Variants in SLC41A2 observed in about 807,000 individuals in gnomAD.
The protein encoded by SLC41A2 is solute carrier family 41 member 2.
SLC41A2 carries 32 observed loss-of-function variants against 58.3 expected under a neutral mutation model. That is an observed-to-expected ratio of 0.55 (90% CI 0.41 to 0.74). The LOEUF (loss-of-function observed/expected upper bound fraction) is 0.74. Among genes scored for constraint, SLC41A2 ranks in the 30% least tolerant of loss-of-function variants. The pLI is 0.00. For synonymous variants in SLC41A2, 190 were observed against 235.0 expected, an observed-to-expected ratio of 0.81 and a Z score of 1.75; for missense variants, 514 against 680.6, an observed-to-expected ratio of 0.76 and a Z score of 2.72.
intron 6 of SLC41A2, among the ~76,000 whole-genome samples, chr12:104,879,067 T>C (rs2044218043): frequency 6.6e-6 from 1 of 152,366 alleles, no homozygotes; most frequent in Non-Finnish European, 1.5e-5. Context: ...TGGCCAGTGA[T>C]GATGAGCATT....
intron 8 of SLC41A2, among the ~76,000 whole-genome samples, chr12:104,847,132 T>C (rs1440944739): frequency 1.3e-5 from 2 of 151,112 alleles, no homozygotes; most frequent in Admixed American, 1.3e-4. Flanking sequence ...GGAAAAGATA[T>C]ACAAATATAT....
At position 104,853,911 on chromosome 12, in the gene SLC41A2, A is replaced by ATTATTATTTTTTTTTTTTTTTTTTT; in HGVS notation, c.1255+7379_1255+7380insAAAAAAAAAAAAAAAAAAATAATAA. Among the ~76,000 whole-genome samples, 8 of 59,494 alleles carry ATTATTATTTTTTTTTTTTTTTTTTT rather than the reference A, an allele frequency of 1.3e-4. 2 individuals are homozygous for ATTATTATTTTTTTTTTTTTTTTTTT. Among genetic ancestry groups the ATTATTATTTTTTTTTTTTTTTTTTT allele is most frequent in the South Asian group, 5.0e-4 (1 of 2,016 alleles). 39.0% of individuals were successfully genotyped at this position (59,494 alleles called of 152,430 possible). A position where few individuals can be genotyped will look rare whatever the true frequency, so the allele number is the denominator to read the frequency against. ...GGGTGCATGTCACCATGCCTGGCTG[A>ATTATTATTTTTTTTTTTTTTTTTTT]TTTTTTTTTTTTTTTTTTTTTTTTT... is the stretch of plus-strand genomic sequence containing the variant. On this transcript the variant is annotated intron_variant, in intron 8 of 10. Transcript: ENST00000258538.
chr12:104,821,899 C>T (rs2041652207), intron 10 of SLC41A2, among the ~76,000 whole-genome samples: 1 of 152,198 alleles, frequency 6.6e-6, no homozygotes, highest in Non-Finnish European at 1.5e-5. Flanking sequence ...CTTTATTCAA[C>T]AGTTAATGTA....
chr12:104,853,911 A>ATTATTATTATTATTATTTTTTTTTTT lies in SLC41A2; in HGVS notation c.1255+7379_1255+7380insAAAAAAAAAAATAATAATAATAATAA. Among the ~76,000 whole-genome samples, 9 of 59,496 alleles carry ATTATTATTATTATTATTTTTTTTTTT rather than the reference A, an allele frequency of 1.5e-4. 1 individual carries two copies. The highest frequency in any genetic ancestry group is 2.8e-4 in the African/African-American group (4 of 14,474). The allele number at this position is 59,496 out of a possible 152,430, so 39.0% of individuals were successfully genotyped here. On this transcript the variant is annotated intron_variant, in intron 8 of 10. Transcript: ENST00000258538. Reference sequence around the variant, plus strand: ...GGGTGCATGTCACCATGCCTGGCTGATTTTTTTTTTTTTTTTTTTTTTTTT... The same window carrying ATTATTATTATTATTATTTTTTTTTTT: ...GGGTGCATGTCACCATGCCTGGCTGATTATTATTATTATTATTTTTTTTTTTTTTTTTTTTTTTTTTTTTTTTTTTT...
In SLC41A2 at chr12:104,898,899, C is replaced by T. The variant is rs2045426529; in HGVS notation, c.664-3554G>A. Among the ~76,000 whole-genome samples, 2 of 152,134 alleles carry T rather than the reference C, an allele frequency of 1.3e-5. 1 individual carries two copies. The highest frequency in any genetic ancestry group is 4.8e-5 in the African/African-American group (2 of 41,422). Reference sequence around the variant, plus strand: ...TGAAAAGATGCTCCACATCATATATCAGAGAAATGCAAATTAAGACAAGAT... The same window carrying T: ...TGAAAAGATGCTCCACATCATATATTAGAGAAATGCAAATTAAGACAAGAT... On this transcript the variant is annotated intron_variant, in intron 3 of 10. Coordinates refer to ENST00000258538, the MANE Select transcript of SLC41A2 (RefSeq NM_001352171.3).
At chr12:104,942,427 A>T (rs1340603404) in intron 1 of SLC41A2, among the ~76,000 whole-genome samples, 7 of 151,146 alleles carry the variant, frequency 4.6e-5, no homozygotes, top group Non-Finnish European at 1.0e-4. Flanking sequence ...GTAGTAAGCC[A>T]TGATCATATC....
At chr12:104,896,057 T>C (rs192760090) in intron 3 of SLC41A2, among the ~76,000 whole-genome samples, 78 of 152,318 alleles carry the variant, frequency 5.1e-4, no homozygotes, top group African/African-American at 1.8e-3. Context: ...AACAATCATT[T>C]AGTAAAAATA....
intron 10 of SLC41A2, among the ~76,000 whole-genome samples, chr12:104,810,784 G>C (rs568232418): frequency 1.1e-3 from 170 of 152,188 alleles, no homozygotes; most frequent in African/African-American, 4.0e-3. Flanking sequence ...CTAATCCTCT[G>C]ACATATAAAA....
intron 6 of SLC41A2, 42 bp downstream of exon 6, chr12:104,886,251 G>C: frequency 1.3e-6 from 2 of 1,596,738 alleles, no homozygotes; most frequent in Non-Finnish European, 1.7e-6. Context: ...TATTTAAAGA[G>C]ACTTGAGACA....
intron 10 of SLC41A2, among the ~76,000 whole-genome samples, chr12:104,839,500 C>CT (rs147244934): frequency 0.045 from 6,516 of 145,600 alleles, 272 homozygotes; most frequent in African/African-American, 0.098. Context: ...TTCAGTTTTT[C>CT]TTTTTTTTTT....
chr12:104,826,497 T>A (rs2041850679), intron 10 of SLC41A2, among the ~76,000 whole-genome samples: 1 of 151,882 alleles, frequency 6.6e-6, no homozygotes, highest in Admixed American at 6.6e-5. Flanking sequence ...AAGACATGAG[T>A]CCCAGAGGCA....
Position 104,909,720 on chromosome 12 carries a change from C to T in SLC41A2, c.598G>A (p.Val200Ile). Residue 200 changes from valine to isoleucine, a missense_variant, in exon 3 of 11, where the codon GTC becomes ATC. Around this residue, in one of 3 missense-constraint regions of SLC41A2, gnomAD observed 336 missense variants for 430.0 expected, o/e 0.78. Coordinates refer to ENST00000258538, the MANE Select transcript of SLC41A2 (RefSeq NM_001352171.3). The stretch of plus-strand genomic sequence containing the variant: ...CCTTTGAGACCAAGAAGTGCAGGGA[C>T]TAAAATGAAAACTTCTGTAACTTTT... ...FRKVTEVFIL[V>I]PALLGLKGNL... The T allele has an allele frequency of 6.2e-7, 1 of 1,610,510 alleles. No individual in the cohort carries two copies. The highest frequency in any genetic ancestry group is 8.5e-7 in the Non-Finnish European group (1 of 1,178,892).
chr12:104,833,912 T>C (rs992724555), intron 10 of SLC41A2: 19 of 574,098 alleles, frequency 3.3e-5, no homozygotes, highest in Non-Finnish European at 4.2e-5. Context: ...TATAAGATTT[T>C]TTTTGTAGAT....
intron 10 of SLC41A2, among the ~76,000 whole-genome samples, chr12:104,835,155 C>T (rs2042165259): frequency 1.3e-5 from 2 of 152,168 alleles, no homozygotes; most frequent in African/African-American, 4.8e-5. Context: ...CAAGGTTGGT[C>T]TAGTCTTAGC....
intron 1 of SLC41A2, among the ~76,000 whole-genome samples, chr12:104,952,946 CCTT>C (rs1453934428): frequency 6.6e-6 from 1 of 151,848 alleles, no homozygotes; most frequent in Non-Finnish European, 1.5e-5. Context: ...GATAAGTTCT[CCTT>C]CTTCTGTGGT....
chr12:104,842,024 A>G (rs2042428405), intron 10 of SLC41A2, among the ~76,000 whole-genome samples: 1 of 152,100 alleles, frequency 6.6e-6, no homozygotes, highest in Non-Finnish European at 1.5e-5. Context: ...TATTTGAATA[A>G]GAGCTTGGAC....
chr12:104,942,119 T>C (rs560612686), intron 1 of SLC41A2, among the ~76,000 whole-genome samples: 2 of 152,214 alleles, frequency 1.3e-5, no homozygotes, highest in African/African-American at 4.8e-5. Flanking sequence ...CCCTACTCTG[T>C]CTTAAACATT....
chr12:104,843,621 T>C (rs1046635419), intron 10 of SLC41A2, among the ~76,000 whole-genome samples: 1 of 152,134 alleles, frequency 6.6e-6, no homozygotes, highest in African/African-American at 2.4e-5. Context: ...TCTCTCAGTA[T>C]AAAATATTTG....
intron 7 of SLC41A2, among the ~76,000 whole-genome samples, chr12:104,864,950 A>G: frequency 6.6e-6 from 1 of 151,750 alleles, no homozygotes; most frequent in East Asian, 1.9e-4. Flanking sequence ...AGAGGCCTTT[A>G]TGAAATGTCT....
Sources: gnomAD v4.1 joint callset for allele counts (sites outside exome capture counted in the v4.1 genomes callset) on GRCh38, gnomAD v4.1.1 for gene constraint, gnomAD v4.1.1 regional missense constraint, MANE v1.5 for transcripts, NCBI Gene and HGNC (gene_info 2026-07-23, HGNC 2026-07-21) for gene names.